The following METTL21A variants were observed in gnomAD, a reference collection of about 807,000 sequenced individuals.
The protein encoded by METTL21A is protein N-lysine methyltransferase METTL21A.
In METTL21A, 22 loss-of-function variants were observed where a neutral mutation model predicts 20.9. The observed-to-expected ratio is 1.05, with a 90% CI of 0.75 to 1.50. The LOEUF is 1.50. METTL21A is among the 40% of genes most tolerant of loss of function. The probability of loss-of-function intolerance (pLI) is 0.00; values close to 1 mark genes in which losing one functional copy is unlikely to be tolerated. For missense variants in METTL21A, 271 were observed against 266.8 expected (o/e 1.02, Z -0.11); for synonymous variants, 93 against 102.0 (o/e 0.91, Z 0.53).
chr2:207,592,355 C>G (rs988738641), intron 3 of METTL21A, among the ~76,000 whole-genome samples: 18 of 151,974 alleles, frequency 1.2e-4, no homozygotes, highest in Non-Finnish European at 2.4e-4. Flanking sequence ...TGCAGTAGCC[C>G]AGATCACGCC....
At chr2:207,604,830 ACT>A (rs2087812964), downstream of METTL21A, among the ~76,000 whole-genome samples, 1 of 152,156 alleles carries the variant, frequency 6.6e-6, no homozygotes. Flanking sequence ...AGACTCATAC[ACT>A]GTGTATTACT....
downstream of METTL21A, among the ~76,000 whole-genome samples, chr2:207,608,795 C>T (rs561240067): frequency 2.6e-5 from 4 of 152,194 alleles, no homozygotes; most frequent in Non-Finnish European, 5.9e-5. Flanking sequence ...ACCGTGGTGG[C>T]AGGCACCTGT....
Position 207,624,418 on chromosome 2 carries a change from G to T in METTL21A, c.-29-14C>A. ...CTCTGCTCAGACCTGCCGTGCAAAAGAATCCTGGGTGACGCTCTGGCCAAA... is the reference window on the plus strand; with the variant it reads ...CTCTGCTCAGACCTGCCGTGCAAAATAATCCTGGGTGACGCTCTGGCCAAA... On this transcript the variant is annotated splice_polypyrimidine_tract_variant and intron_variant, in intron 1 of 3. Transcript: ENST00000406927. The T allele has an allele frequency of 6.3e-7, 1 of 1,583,674 alleles. No individual in the cohort carries two copies. The highest frequency in any genetic ancestry group is 8.6e-7 in the Non-Finnish European group (1 of 1,167,630).
intron 2 of METTL21A, 122 bp from the exon 3 acceptor site, chr2:207,622,039 C>A: frequency 1.3e-6 from 1 of 781,412 alleles, no homozygotes. Context: ...CTTAACAACA[C>A]ACACAGGAAC....
chr2:207,605,427 A>T (rs1482638671), downstream of METTL21A, among the ~76,000 whole-genome samples: 4 of 152,076 alleles, frequency 2.6e-5, no homozygotes, highest in Non-Finnish European at 4.4e-5. Context: ...TTCCTTATAT[A>T]TTCTGGGTAC....
chr2:207,598,995 G>A (rs56325368), intron 3 of METTL21A: 12,872 of 185,022 alleles, frequency 0.07, 909 homozygotes, highest in East Asian at 0.23. Flanking sequence ...AGTGTTAATT[G>A]CTGGATCCAT....
chr2:207,603,862 A>G (rs2087576241), intron 3 of METTL21A, among the ~76,000 whole-genome samples: 2 of 152,218 alleles, frequency 1.3e-5, no homozygotes, highest in African/African-American at 4.8e-5. Context: ...TAAAAAAGTT[A>G]TCTCCTATAC....
chr2:207,597,183 G>A, intron 3 of METTL21A: 8 of 1,005,560 alleles, frequency 8.0e-6, no homozygotes, highest in Non-Finnish European at 1.1e-5. Flanking sequence ...CTGCCTGAAA[G>A]CAACTACAGA....
intron 3 of METTL21A, among the ~76,000 whole-genome samples, chr2:207,603,915 TAAGC>T (rs1405780352): frequency 1.3e-5 from 2 of 152,168 alleles, no homozygotes; most frequent in Admixed American, 6.5e-5. Context: ...CATCTGAAAA[TAAGC>T]AGCTGCATTA....
At chr2:207,595,637 C>T (rs2106636783) in intron 3 of METTL21A, among the ~76,000 whole-genome samples, 1 of 152,214 alleles carries the variant, frequency 6.6e-6, no homozygotes, top group East Asian at 1.9e-4. Flanking sequence ...GATCACGGCT[C>T]ACTGCAACCT....
chr2:207,622,673 C>T (rs200531888), intron 2 of METTL21A, among the ~76,000 whole-genome samples: 10 of 152,220 alleles, frequency 6.6e-5, no homozygotes, highest in East Asian at 3.8e-4. Context: ...TGATGGTCAT[C>T]GCCCCACAGG....
At chr2:207,582,915 A>G in intron 3 of METTL21A, 1 of 273,640 alleles carries the variant, frequency 3.7e-6, no homozygotes, top group Non-Finnish European at 7.3e-6. Context: ...ACAAACAAAA[A>G]AAAATATATA....
At chr2:207,584,611 A>G (rs956251152) in intron 3 of METTL21A, among the ~76,000 whole-genome samples, 4 of 152,306 alleles carry the variant, frequency 2.6e-5, no homozygotes, top group Non-Finnish European at 4.4e-5. Flanking sequence ...CATGTTGGCC[A>G]GGCTGGTTTT....
intron 3 of METTL21A, chr2:207,601,549 ATATT>A (rs1179544306): frequency 2.0e-5 from 4 of 199,696 alleles, no homozygotes; most frequent in African/African-American, 9.2e-5. Flanking sequence ...CAAGTGCATA[ATATT>A]TATTTTCAAT....
At position 207,624,220 on chromosome 2, in the gene METTL21A, C is replaced by T. The variant is rs199797740; in HGVS notation, c.147+9G>A. The T allele has an allele frequency of 6.3e-7, 1 of 1,594,552 alleles. No individual in the cohort carries two copies. The highest frequency in any genetic ancestry group is 1.4e-5 in the African/African-American group (1 of 73,922). On this transcript the variant is annotated intron_variant, in intron 2 of 3. Coordinates refer to ENST00000406927, the Ensembl canonical transcript of METTL21A. ...GAACGTTTTCAGAGGTCCCCCAGGG[C>T]TTACTTACCGCATCCCAAACCACCG...
At chr2:207,613,341 T>C in exon 4 of METTL21A, 4 of 1,614,058 alleles carry the variant, frequency 2.5e-6, no homozygotes, top group Non-Finnish European at 3.4e-6. Context: ...AGTCAGCTCC[T>C]TAACAACAGT....
intron 3 of METTL21A, chr2:207,600,668 A>C (rs182101766): frequency 4.7e-6 from 1 of 211,270 alleles, no homozygotes; most frequent in Admixed American, 5.9e-5. Context: ...GGATTTTGTC[A>C]GAAAATGTGT....
chr2:207,610,756 CT>C (rs1471600553), downstream of METTL21A: 1 of 18,136 alleles, frequency 5.5e-5, no homozygotes, highest in Non-Finnish European at 9.2e-5. Context: ...TGAGGAGCCC[CT>C]CTGCCTGGCC....
intron 3 of METTL21A, chr2:207,596,843 A>G: frequency 6.4e-7 from 1 of 1,556,062 alleles, no homozygotes; most frequent in Non-Finnish European, 8.7e-7. Flanking sequence ...AAAAAAGAAA[A>G]AAAAAAGGTA....
Sources: gnomAD v4.1 joint callset for allele counts (sites outside exome capture counted in the v4.1 genomes callset) on GRCh38, gnomAD v4.1.1 for gene constraint, MANE v1.5 for transcripts, NCBI Gene and HGNC (gene_info 2026-07-23, HGNC 2026-07-21) for gene names.